The following TENM2 variants were observed in gnomAD, a reference collection of about 807,000 sequenced individuals.
The protein encoded by TENM2 is teneurin-2.
A neutral mutation model predicts 245.2 loss-of-function variants in TENM2; 52 were observed. That is an observed-to-expected ratio of 0.21 (90% CI 0.17 to 0.27). The LOEUF (loss-of-function observed/expected upper bound fraction) is 0.27, where lower values mean the gene tolerates loss of function less well. TENM2 is among the 10% of genes least tolerant of loss of function. TENM2 has a pLI of 1.00. For synonymous variants in TENM2, 1,363 were observed against 1,438.9 expected, an observed-to-expected ratio of 0.95 and a Z score of 1.19; for missense variants, 3,046 against 3,666.8, an observed-to-expected ratio of 0.83 and a Z score of 4.37.
intron 2 of TENM2, among the ~76,000 whole-genome samples, chr5:167,756,167 G>T (rs548512647): frequency 1.5e-4 from 23 of 152,212 alleles, no homozygotes; most frequent in Middle Eastern, 3.4e-3. Context: ...TATATGAACT[G>T]TGGGTAGTAT....
intron 3 of TENM2, among the ~76,000 whole-genome samples, chr5:167,928,930 G>A (rs1583397390): frequency 1.6e-5 from 2 of 121,698 alleles, no homozygotes; most frequent in South Asian, 2.6e-4. Context: ...AAGAAAGAAG[G>A]AAAAAGAAAG....
intron 3 of TENM2, among the ~76,000 whole-genome samples, chr5:167,947,323 C>A (rs1309051630): frequency 6.6e-6 from 1 of 152,140 alleles, no homozygotes; most frequent in East Asian, 1.9e-4. Flanking sequence ...TGCTATGTAC[C>A]ATGAATTGTG....
rs1759321624 is a variant in TENM2 at position 167,356,217 on chromosome 5, A to AAAAAAAAAAAAGAAAAATT, written c.227-18977_227-18976insAAAAAAAGAAAAATTAAAA. Among the ~76,000 whole-genome samples, 35 of 129,156 alleles carry AAAAAAAAAAAAGAAAAATT rather than the reference A, an allele frequency of 2.7e-4. 1 individual carries two copies. The highest frequency in any genetic ancestry group is 1.1e-3 in the African/African-American group (35 of 31,238). 84.7% of individuals were successfully genotyped at this position (129,156 alleles called of 152,430 possible). The stretch of plus-strand genomic sequence containing the variant: ...AAAAAAAAAAAAAAAAAAAAAAAAA[A>AAAAAAAAAAAAGAAAAATT]AAAATTAAAATTAAAAAAAAGGCAG... On this transcript the variant is annotated intron_variant, in intron 1 of 28. Coordinates refer to ENST00000518659, the Ensembl canonical transcript of TENM2.
chr5:167,397,499 A>G (rs1762121528), intron 2 of TENM2, among the ~76,000 whole-genome samples: 1 of 152,120 alleles, frequency 6.6e-6, no homozygotes, highest in South Asian at 2.1e-4. Flanking sequence ...CCGAGCATTG[A>G]GTATGCGTGT....
At chr5:167,057,627 A>T in the TENM2 span, among the ~76,000 whole-genome samples, 1 of 152,168 alleles carries the variant, frequency 6.6e-6, no homozygotes, top group African/African-American at 2.4e-5. Flanking sequence ...CTTTCACTCC[A>T]TGGAAGGCTA....
intron 2 of TENM2, among the ~76,000 whole-genome samples, chr5:167,470,454 C>CTTTTTTGTT (rs1766941414): frequency 2.1e-5 from 1 of 47,394 alleles, no homozygotes; most frequent in Non-Finnish European, 3.6e-5. Flanking sequence ...GCAATGCTTG[C>CTTTTTTGTT]TTTTTTTTTT....
chr5:167,211,922 A>C, the TENM2 span, among the ~76,000 whole-genome samples: 5 of 152,226 alleles, frequency 3.3e-5, no homozygotes, highest in East Asian at 9.6e-4. Context: ...TAACCCTATA[A>C]GATGAATTAT....
chr5:167,306,265 G>C (rs780181908), intron 1 of TENM2: 1 of 152,232 alleles, frequency 6.6e-6, no homozygotes, highest in East Asian at 1.9e-4. Flanking sequence ...GCCCTTTTCC[G>C]TAAGTCTTGC....
chr5:167,428,360 T>C (rs1197677948), intron 2 of TENM2, among the ~76,000 whole-genome samples: 1 of 152,192 alleles, frequency 6.6e-6, no homozygotes, highest in South Asian at 2.1e-4. Flanking sequence ...TTTTGCAAAC[T>C]TCTACAGGTT....
intron 2 of TENM2, among the ~76,000 whole-genome samples, chr5:167,646,200 C>CATATATATATATATGTTGTTTTCATATAT (rs1779941542): frequency 8.5e-4 from 54 of 63,416 alleles, no homozygotes; most frequent in Non-Finnish European, 1.4e-3. Context: ...ATGTTGTTTT[C>CATATATATATATATGTTGTTTTCATATAT]ATATATATAT....
the TENM2 span, among the ~76,000 whole-genome samples, chr5:167,206,269 T>G: frequency 6.6e-6 from 1 of 152,154 alleles, no homozygotes; most frequent in Non-Finnish European, 1.5e-5. Flanking sequence ...TCTCTTTCAT[T>G]TGTTTCTCTT....
intron 2 of TENM2, among the ~76,000 whole-genome samples, chr5:167,693,896 G>T (rs1239274360): frequency 6.6e-6 from 1 of 152,196 alleles, no homozygotes; most frequent in Non-Finnish European, 1.5e-5. Context: ...CTGGGTATAA[G>T]TGTTCCCCAA....
At chr5:168,219,265 A>G (rs533322199) in intron 23 of TENM2, among the ~76,000 whole-genome samples, 2 of 152,340 alleles carry the variant, frequency 1.3e-5, no homozygotes, top group African/African-American at 2.4e-5. Flanking sequence ...GATATTGGAC[A>G]TGCACAGCAC....
intron 2 of TENM2, among the ~76,000 whole-genome samples, chr5:167,797,399 C>A (rs2150927881): frequency 2.0e-5 from 3 of 152,228 alleles, no homozygotes; most frequent in Middle Eastern, 3.4e-3. Flanking sequence ...CTGAACAGCT[C>A]TTAGAAGCAA....
chr5:167,868,597 C>A (rs564687229), intron 2 of TENM2, among the ~76,000 whole-genome samples: 1 of 151,490 alleles, frequency 6.6e-6, no homozygotes, highest in Non-Finnish European at 1.5e-5. Flanking sequence ...ATTAGCCTGG[C>A]GTGATGGTGC....
intron 2 of TENM2, among the ~76,000 whole-genome samples, chr5:167,461,070 C>T (rs1042409038): frequency 6.6e-6 from 1 of 152,100 alleles, no homozygotes. Context: ...CTCACTATAG[C>T]GCCATAGTAC....
At chr5:167,905,181 T>C (rs371927307) in intron 3 of TENM2, among the ~76,000 whole-genome samples, 5 of 152,150 alleles carry the variant, frequency 3.3e-5, no homozygotes, top group Non-Finnish European at 7.4e-5. Context: ...CATAACTGTT[T>C]CCTAGAAACC....
intron 3 of TENM2, among the ~76,000 whole-genome samples, chr5:167,925,020 T>A (rs543952468): frequency 1.3e-5 from 2 of 152,290 alleles, no homozygotes; most frequent in African/African-American, 4.8e-5. Flanking sequence ...ATCCCACTCA[T>A]CAGTATTGAC....
chr5:167,809,919 C>A (rs556616700), intron 2 of TENM2, among the ~76,000 whole-genome samples: 4 of 152,148 alleles, frequency 2.6e-5, no homozygotes, highest in African/African-American at 9.6e-5. Context: ...CATCTTGGTG[C>A]GCCATGCCAG....
Sources: gnomAD v4.1 joint callset for allele counts (sites outside exome capture counted in the v4.1 genomes callset) on GRCh38, gnomAD v4.1.1 for gene constraint, MANE v1.5 for transcripts, NCBI Gene and HGNC (gene_info 2026-07-23, HGNC 2026-07-21) for gene names.